PCSK6: variants seen among roughly 807,000 people sequenced by gnomAD.
PCSK6 encodes the protein paired basic amino acid cleaving enzyme 4.
In PCSK6, 85 loss-of-function variants were observed where a neutral mutation model predicts 123.3. That is an observed-to-expected ratio of 0.69 (90% CI 0.58 to 0.83). The LOEUF (loss-of-function observed/expected upper bound fraction) is 0.83. Ranked by LOEUF, PCSK6 falls within the 40% of genes least tolerant of loss-of-function variation. PCSK6 has a pLI of 0.00. For synonymous variants in PCSK6, 508 were observed against 516.0 expected (o/e 0.98, Z 0.21); for missense variants, 1,191 against 1,282.3 (o/e 0.93, Z 1.09).
At chr15:101,467,757 G>C (rs985597146) in intron 1 of PCSK6, among the ~76,000 whole-genome samples, 9 of 152,204 alleles carry the variant, frequency 5.9e-5, no homozygotes, top group Admixed American at 1.3e-4. Flanking sequence ...GGGGAGAAAA[G>C]CAAGTCTCAG....
At chr15:101,384,024 T>C (rs1340541371) in intron 10 of PCSK6, 1 of 802,218 alleles carries the variant, frequency 1.2e-6, no homozygotes, top group Admixed American at 6.2e-5. Flanking sequence ...CACACGTCAT[T>C]GCTCCTGGCT....
chr15:101,379,925 G>C (rs1308552166), intron 11 of PCSK6, among the ~76,000 whole-genome samples: 1 of 152,100 alleles, frequency 6.6e-6, no homozygotes, highest in East Asian at 1.9e-4. Context: ...AACTCTGCTT[G>C]GTAACACCCC....
At chr15:101,488,819 G>T (rs2058083973) in intron 1 of PCSK6, among the ~76,000 whole-genome samples, 1 of 151,406 alleles carries the variant, frequency 6.6e-6, no homozygotes, top group Admixed American at 6.5e-5. Flanking sequence ...CGGGAGCCGC[G>T]GACACCGAGG....
chr15:101,455,898 C>T (rs2057165894), intron 1 of PCSK6, among the ~76,000 whole-genome samples: 1 of 152,212 alleles, frequency 6.6e-6, no homozygotes, highest in Non-Finnish European at 1.5e-5. Flanking sequence ...AGACTTTGTG[C>T]AATTTTCATA....
chr15:101,445,020 C>T (rs932420754), intron 1 of PCSK6, among the ~76,000 whole-genome samples: 3 of 152,192 alleles, frequency 2.0e-5, no homozygotes, highest in East Asian at 1.9e-4. Flanking sequence ...ACTTTGTCCT[C>T]GAAATAAAGA....
intron 1 of PCSK6, among the ~76,000 whole-genome samples, chr15:101,471,170 G>A (rs540009701): frequency 6.6e-6 from 1 of 152,234 alleles, no homozygotes; most frequent in South Asian, 2.1e-4. Context: ...CCTTTCAGAT[G>A]CCAGTGTAGC....
chr15:101,392,611 A>C (rs1439913030), intron 8 of PCSK6, among the ~76,000 whole-genome samples: 1 of 21,040 alleles, frequency 4.8e-5, no homozygotes, highest in Non-Finnish European at 1.1e-4. Flanking sequence ...TTTTTTTTTT[A>C]AGTAGGAAAG....
chr15:101,484,308 C>T (rs1444429386), intron 1 of PCSK6, among the ~76,000 whole-genome samples: 1 of 152,174 alleles, frequency 6.6e-6, no homozygotes, highest in Non-Finnish European at 1.5e-5. Flanking sequence ...ATCCTTACAG[C>T]CCACACTTTT....
intron 6 of PCSK6, among the ~76,000 whole-genome samples, chr15:101,412,820 G>A (rs181513680): frequency 1.3e-5 from 2 of 151,662 alleles, no homozygotes; most frequent in Admixed American, 1.3e-4. Context: ...TCACTAGAGT[G>A]GACAGGAGGA....
chr15:101,393,463 G>C (rs1243109239), intron 7 of PCSK6, 39 bp from the exon 8 acceptor site: 1 of 1,537,840 alleles, frequency 6.5e-7, no homozygotes, highest in Non-Finnish European at 8.8e-7. Flanking sequence ...CCCCGCAGCA[G>C]AACCTCGTAG....
At chr15:101,350,611 G>A (rs1386758889) in intron 13 of PCSK6, among the ~76,000 whole-genome samples, 4 of 152,212 alleles carry the variant, frequency 2.6e-5, no homozygotes, top group African/African-American at 4.8e-5. Context: ...AGACCGGGGG[G>A]CCTCTGAGCC....
chr15:101,440,306 A>C (rs912517145), intron 2 of PCSK6, among the ~76,000 whole-genome samples: 6 of 152,266 alleles, frequency 3.9e-5, no homozygotes, highest in Non-Finnish European at 8.8e-5. Context: ...AAAAACATCA[A>C]GTAAAGGTAA....
At chr15:101,484,324 T>C (rs1463967821) in intron 1 of PCSK6, among the ~76,000 whole-genome samples, 1 of 152,218 alleles carries the variant, frequency 6.6e-6, no homozygotes, top group Non-Finnish European at 1.5e-5. Flanking sequence ...CTTTTATACT[T>C]TTACTACATC....
intron 8 of PCSK6, among the ~76,000 whole-genome samples, chr15:101,392,048 A>C (rs1036218050): frequency 3.9e-5 from 6 of 152,256 alleles, no homozygotes; most frequent in Non-Finnish European, 5.9e-5. Flanking sequence ...GAGAGACACC[A>C]TCCTGCCTGC....
chr15:101,397,099 G>A lies in PCSK6; in HGVS notation c.996+1305C>T, dbSNP rs116078180. 7.3e-3 allele frequency among the ~76,000 whole-genome samples: 1,113 copies of A among 152,228 alleles called. 18 individuals are homozygous for A. Among genetic ancestry groups the A allele is most frequent in the African/African-American group, 0.025 (1,051 of 41,512 alleles). On this transcript the variant is annotated intron_variant, in intron 7 of 21. Transcript: ENST00000611716. ...AGGATGCAGTGTAGGCCTGACGCCC[G>A]GGAAAGGTAAGAAGTGGAGGAAACT...
chr15:101,447,525 C>T (rs1040609769), intron 1 of PCSK6, among the ~76,000 whole-genome samples: 3 of 152,180 alleles, frequency 2.0e-5, no homozygotes, highest in Admixed American at 6.5e-5. Flanking sequence ...AAATTTGATA[C>T]TAAATGACAT....
chr15:101,472,409 G>A (rs1202688216), intron 1 of PCSK6, among the ~76,000 whole-genome samples: 1 of 152,254 alleles, frequency 6.6e-6, no homozygotes, highest in African/African-American at 2.4e-5. Flanking sequence ...CCAGGCATCA[G>A]TTTCACACCC....
intron 1 of PCSK6, among the ~76,000 whole-genome samples, chr15:101,471,365 C>T (rs1013241329): frequency 1.6e-5 from 2 of 122,258 alleles, no homozygotes; most frequent in African/African-American, 6.3e-5. Context: ...ATACCTTTCT[C>T]CCAACATCTT....
chr15:101,377,862 C>G (rs7183455), intron 11 of PCSK6, among the ~76,000 whole-genome samples: 29,995 of 152,138 alleles, frequency 0.2, 3,011 homozygotes, highest in East Asian at 0.3. Flanking sequence ...ACAGGCCAAG[C>G]TAAACTGTAA....
Sources: gnomAD v4.1 joint callset for allele counts (sites outside exome capture counted in the v4.1 genomes callset) on GRCh38, gnomAD v4.1.1 for gene constraint, MANE v1.5 for transcripts, NCBI Gene and HGNC (gene_info 2026-07-23, HGNC 2026-07-21) for gene names.